The following ELFN1 variants were observed in gnomAD, a reference collection of about 807,000 sequenced individuals.
ELFN1 encodes the protein extracellular leucine rich repeat and fibronectin type III domain containing 1, also known as protein ELFN1.
Under a neutral mutation model 7.6 loss-of-function variants are expected in ELFN1, and 6 were observed. The observed-to-expected ratio is 0.79, with a 90% CI of 0.43 to 1.56. The LOEUF is 1.56. Among genes scored for constraint, ELFN1 ranks in the 40% most tolerant of loss-of-function variants. The pLI, the probability that ELFN1 is intolerant of heterozygous loss-of-function variation, is 0.01. For missense variants in ELFN1, 1,169 were observed against 1,232.2 expected (o/e 0.95, Z 0.77); for synonymous variants, 657 against 588.1 (o/e 1.12, Z -1.70).
At chr7:1,702,088 G>A (rs1425294817) in intron 2 of ELFN1, among the ~76,000 whole-genome samples, 2 of 151,874 alleles carry the variant, frequency 1.3e-5, no homozygotes, top group Non-Finnish European at 2.9e-5. Context: ...TAATATCTGA[G>A]TCACCATAGC....
intron 3 of ELFN1, among the ~76,000 whole-genome samples, chr7:1,725,231 A>T (rs1327587380): frequency 6.6e-6 from 1 of 152,220 alleles, no homozygotes; most frequent in Admixed American, 6.5e-5. Context: ...TCTTTAGGGA[A>T]GAAGGAACCC....
At chr7:1,711,567 C>CGAGAGAGAGA (rs1779651378) in intron 3 of ELFN1, among the ~76,000 whole-genome samples, 2 of 35,052 alleles carry the variant, frequency 5.7e-5, no homozygotes, top group African/African-American at 1.1e-4. Flanking sequence ...GAAGAGAGAG[C>CGAGAGAGAGA]GAGAGAGTGA....
chr7:1,730,340 C>T (rs1239528575), intron 3 of ELFN1, among the ~76,000 whole-genome samples: 2 of 152,260 alleles, frequency 1.3e-5, no homozygotes, highest in Non-Finnish European at 2.9e-5. Flanking sequence ...GAGGAGGAAG[C>T]CAGGACAGCC....
chr7:1,745,610 G>C lies in ELFN1; in HGVS notation c.1014G>C (p.Pro338=), dbSNP rs747413134. The C allele has an allele frequency of 3.2e-6, 5 of 1,551,006 alleles. No individual in the cohort carries two copies. The highest frequency in any genetic ancestry group is 4.4e-6 in the Non-Finnish European group (5 of 1,146,966). Residue 338 remains proline (P), a synonymous_variant, in exon 4 of 4, where the codon CCG becomes CCC. Transcript: ENST00000424383. ...CCATCACCGTCCAGCTGCCCAGCCCGTTCCACCGGATGTACACCCTGGAGC... is the reference window on the plus strand; with the variant it reads ...CCATCACCGTCCAGCTGCCCAGCCCCTTCCACCGGATGTACACCCTGGAGC... ...SATITVQLPS[P]FHRMYTLEHF...
intron 3 of ELFN1, among the ~76,000 whole-genome samples, chr7:1,715,946 C>T (rs1030511375): frequency 1.3e-5 from 2 of 152,230 alleles, no homozygotes; most frequent in African/African-American, 2.4e-5. Flanking sequence ...GACCCCTGGT[C>T]TCTGACCTGC....
At chr7:1,723,389 C>T (rs772030924) in intron 3 of ELFN1, among the ~76,000 whole-genome samples, 3 of 152,164 alleles carry the variant, frequency 2.0e-5, no homozygotes, top group African/African-American at 4.8e-5. Context: ...CAGGCTCTGA[C>T]GCTTTGGATA....
In ELFN1 at chr7:1,745,967, C is replaced by T. The variant is rs761197449; in HGVS notation, c.1371C>T (p.Ala457=). ...AGCACAAGAAGGCCGCCTCGGCAGC[C>T]GCAGCTGGCAGCCTCAAGAAGACCA... ...EEKHKKAASA[A]AAGSLKKTII... The change falls in exon 4 of 4, where the codon GCC becomes GCT. Residue 457 remains alanine (A), a synonymous_variant. Coordinates refer to ENST00000424383, the MANE Select transcript of ELFN1 (RefSeq NM_001128636.4). The T allele has an allele frequency of 3.4e-5, 52 of 1,545,796 alleles. No homozygotes were observed. The highest frequency in any genetic ancestry group is 1.2e-4 in the South Asian group (10 of 83,800).
chr7:1,679,493 A>T (rs1393197651), intron 1 of ELFN1, among the ~76,000 whole-genome samples: 1 of 152,076 alleles, frequency 6.6e-6, no homozygotes, highest in Non-Finnish European at 1.5e-5. Context: ...GGCTGAGGGA[A>T]CCCACAGGAA....
chr7:1,687,867 TAA>T (rs1461274809), intron 1 of ELFN1, among the ~76,000 whole-genome samples, 189 bp from the exon 2 acceptor site: 1 of 152,124 alleles, frequency 6.6e-6, no homozygotes, highest in African/African-American at 2.4e-5. Context: ...CCTATCTGTT[TAA>T]AAGTCATATT....
intron 3 of ELFN1, among the ~76,000 whole-genome samples, chr7:1,738,432 G>T (rs1780513293): frequency 6.6e-6 from 1 of 152,108 alleles, no homozygotes. Flanking sequence ...GAAGCATATG[G>T]GCTTGATCAA....
At chr7:1,700,495 C>T (rs1583334516) in intron 2 of ELFN1, among the ~76,000 whole-genome samples, 1 of 152,242 alleles carries the variant, frequency 6.6e-6, no homozygotes, top group Admixed American at 6.5e-5. Context: ...GGTCAACACT[C>T]TCCGGGGGAG....
chr7:1,683,256 G>A (rs868540913), intron 1 of ELFN1, among the ~76,000 whole-genome samples: 1 of 151,878 alleles, frequency 6.6e-6, no homozygotes, highest in African/African-American at 2.4e-5. Context: ...AAGTCATAGG[G>A]GCCTGGGCTT....
rs773055030 is a variant in ELFN1 at position 1,745,593 on chromosome 7, G to A, written c.997G>A (p.Val333Ile). ...CACTCAGAACTCGGCCACCATCACC[G>A]TCCAGCTGCCCAGCCCGTTCCACCG... ...QLTQNSATIT[V>I]QLPSPFHRMY... Residue 333 changes from valine (V) to isoleucine (I), a missense_variant, in exon 4 of 4, where the codon GTC (valine) becomes ATC (isoleucine). Coordinates refer to ENST00000424383, the MANE Select transcript of ELFN1 (RefSeq NM_001128636.4). The A allele has an allele frequency of 3.1e-5, 48 of 1,550,818 alleles. No homozygotes were observed. In the South Asian group the frequency reaches 4.2e-4, roughly 13 times the overall value.
rs773423561 is a variant in ELFN1, at chr7:1,745,227, G to A, written c.631G>A (p.Ala211Thr). ...GCGCTGGCTGGCCGCCTTCACCAACGCCACACAGACGTACGACCGCATGCA... is the reference window on the plus strand; with the variant it reads ...GCGCTGGCTGGCCGCCTTCACCAACACCACACAGACGTACGACCGCATGCA... ...FLRWLAAFTN[A>T]TQTYDRMQCE... Residue 211 changes from alanine (A) to threonine (T), a missense_variant, in exon 4 of 4, where the codon GCC (alanine) becomes ACC (threonine). Around this residue, in one of 2 missense-constraint regions of ELFN1, gnomAD observed 255 missense variants for 359.6 expected, o/e 0.71. Coordinates refer to ENST00000424383, the MANE Select transcript of ELFN1 (RefSeq NM_001128636.4). 1.7e-5 allele frequency: 26 copies of A among 1,541,896 alleles called. No individual in the cohort carries two copies. The highest frequency in any genetic ancestry group is 4.9e-5 in the East Asian group (2 of 40,922).
chr7:1,734,044 C>A (rs541912762), intron 3 of ELFN1, among the ~76,000 whole-genome samples: 8 of 152,314 alleles, frequency 5.3e-5, no homozygotes, highest in African/African-American at 1.9e-4. Flanking sequence ...AAGAGAAGAA[C>A]CAGCACCTGT....
chr7:1,710,613 G>A (rs948467031), intron 3 of ELFN1, among the ~76,000 whole-genome samples: 2 of 152,226 alleles, frequency 1.3e-5, no homozygotes, highest in African/African-American at 4.8e-5. Flanking sequence ...GGAAACTGAG[G>A]CCCGGGGGGC....
At chr7:1,708,323 A>G (rs912211895) in intron 2 of ELFN1, among the ~76,000 whole-genome samples, 4 of 152,222 alleles carry the variant, frequency 2.6e-5, no homozygotes, top group African/African-American at 9.6e-5. Context: ...CCTCAGCACC[A>G]GGGCTGGGTG....
At chr7:1,699,668 A>G (rs1779386210) in intron 2 of ELFN1, among the ~76,000 whole-genome samples, 1 of 152,132 alleles carries the variant, frequency 6.6e-6, no homozygotes, top group African/African-American at 2.4e-5. Context: ...GCCACAGTCA[A>G]GAATAATAAG....
rs1780831890 is a variant in ELFN1, at chr7:1,747,291, G to A, written c.*208G>A. ...TCCTGGGATGCGCTTGTCGCCCCGG[G>A]TGGCACGTGTCCACACACACACACA... On this transcript the variant is annotated 3_prime_UTR_variant, in exon 4 of 4. Coordinates refer to ENST00000424383, the MANE Select transcript of ELFN1 (RefSeq NM_001128636.4). 4.7e-6 allele frequency: 2 copies of A among 421,508 alleles called. No individual in the cohort carries two copies. The highest frequency in any genetic ancestry group is 5.0e-5 in the Admixed American group (1 of 20,084). 26.1% of individuals were successfully genotyped at this position (421,508 alleles called of 1,614,324 possible). A position where few individuals can be genotyped will look rare whatever the true frequency, so the allele number is the denominator to read the frequency against.
Sources: allele counts gnomAD v4.1 joint callset (sites outside exome capture counted in the v4.1 genomes callset), GRCh38; gene constraint gnomAD v4.1.1; regional missense constraint gnomAD v4.1.1; transcripts MANE v1.5; gene names NCBI Gene and HGNC (gene_info 2026-07-23, HGNC 2026-07-21).